Variants in FDXACB1 observed in about 807,000 individuals in gnomAD.
FDXACB1 encodes the protein ferredoxin-fold anticodon-binding domain-containing protein 1.
A neutral mutation model predicts 51.7 loss-of-function variants in FDXACB1; 41 were observed. That is an observed-to-expected ratio of 0.79 (90% CI 0.62 to 1.03). The LOEUF (loss-of-function observed/expected upper bound fraction) is 1.03. Among genes scored for constraint, FDXACB1 ranks in the 50% least tolerant of loss-of-function variants. The pLI is 0.00. For synonymous variants in FDXACB1, 273 were observed against 278.6 expected, an observed-to-expected ratio of 0.98 and a Z score of 0.20; for missense variants, 697 against 746.4, an observed-to-expected ratio of 0.93 and a Z score of 0.77.
intron 2 of FDXACB1, among the ~76,000 whole-genome samples, chr11:111,877,989 C>T (rs1036073696): frequency 3.5e-4 from 53 of 152,050 alleles, no homozygotes; most frequent in African/African-American, 1.3e-3. Context: ...AGATCGACAC[C>T]ATCCTGGCTA....
In FDXACB1 at chr11:111,874,307, TG is replaced by T. The variant is rs1261502601; in HGVS notation, c.*614del. 7 of 152,246 alleles carry T rather than the reference TG, an allele frequency of 4.6e-5. No homozygotes were observed. The highest frequency in any genetic ancestry group is 1.7e-4 in the African/African-American group (7 of 41,456). The allele number at this position is 152,246 out of a possible 1,614,324, so 9.4% of individuals were successfully genotyped here. A position where few individuals can be genotyped will look rare whatever the true frequency, so the allele number is the denominator to read the frequency against. ...GATGAGACACTTAAGTTCTACTGCC[TG>T]TTCAACAATAGAGCATCTAAAGTAC... On this transcript the variant is annotated 3_prime_UTR_variant, in exon 5 of 5. Transcript: ENST00000260257.
chr11:111,878,916 G>T, intron 1 of FDXACB1, 45 bp downstream of exon 1: 1 of 1,563,026 alleles, frequency 6.4e-7, no homozygotes. Context: ...ACTTTGGGAC[G>T]CGCCGGCCGC....
rs781861315 is a variant in FDXACB1 at position 111,875,801 on chromosome 11, T to C, written c.996A>G (p.Lys332=). The change falls in exon 5 of 5, where the codon AAA becomes AAG. Residue 332 remains lysine (K), a synonymous_variant. Transcript: ENST00000260257. ...CACAGGTTCCTTCACAAGCTTCTTC[T>C]TTACCATCTCTTCCAGGATTCTTGA... ...SLLKNPGRDG[K]EEACEGTCGQ... The C allele has an allele frequency of 1.2e-6, 2 of 1,613,634 alleles. No homozygotes were observed. Among genetic ancestry groups the C allele is most frequent in the African/African-American group, 2.7e-5 (2 of 74,884 alleles).
chr11:111,878,134 C>G (rs912244745), intron 2 of FDXACB1, among the ~76,000 whole-genome samples: 1 of 151,962 alleles, frequency 6.6e-6, no homozygotes, highest in Admixed American at 6.5e-5. Context: ...TTGCAGTGAG[C>G]CGAGATTGCA....
At chr11:111,877,041 T>C in intron 2 of FDXACB1, 30 bp from the exon 3 acceptor site, 2 of 1,548,568 alleles carry the variant, frequency 1.3e-6, no homozygotes, top group Non-Finnish European at 1.7e-6. Context: ...CACTAACTAA[T>C]TATCATAAAC....
At position 111,874,397 on chromosome 11, in the gene FDXACB1, T is replaced by C. The variant is rs993790118; in HGVS notation, c.*525A>G. On this transcript the variant is annotated 3_prime_UTR_variant, in exon 5 of 5. Coordinates refer to ENST00000260257, the MANE Select transcript of FDXACB1 (RefSeq NM_138378.3). ...GACCAAAATATTACACAACTCCAAA[T>C]GTCACCAATCACATTATAATCTATA... is the stretch of plus-strand genomic sequence containing the variant. 2 of 153,162 alleles carry C rather than the reference T, an allele frequency of 1.3e-5. No individual in the cohort carries two copies. Among genetic ancestry groups the C allele is most frequent in the East Asian group, 3.8e-4 (2 of 5,210 alleles). 9.5% of individuals were successfully genotyped at this position (153,162 alleles called of 1,614,324 possible).
chr11:111,874,941 AGGT>A lies in FDXACB1; in HGVS notation c.1853_1855del (p.His618del). On this transcript the variant is annotated inframe_deletion, in exon 5 of 5. Transcript: ENST00000260257. The stretch of plus-strand genomic sequence containing the variant: ...ACCAAACTACCGAGGTATAACATAT[AGGT>A]GTTGTTGAATCTCCTTCCTAAACTG... 6.2e-7 allele frequency: 1 copy of A among 1,613,952 alleles called. No homozygotes were observed. The highest frequency in any genetic ancestry group is 8.5e-7 in the Non-Finnish European group (1 of 1,179,858).
rs1964764410 is a variant in FDXACB1, at chr11:111,874,523, G to A, written c.*399C>T. On this transcript the variant is annotated 3_prime_UTR_variant, in exon 5 of 5. Transcript: ENST00000260257. ...CCCAGCACTTTGGGAGGCCGACGCA[G>A]GCAGATCACGAGGCCGGGAGATTGA... 5.9e-6 allele frequency: 1 copy of A among 170,760 alleles called. No individual in the cohort carries two copies. The highest frequency in any genetic ancestry group is 1.3e-5 in the Non-Finnish European group (1 of 79,112). 10.6% of individuals were successfully genotyped at this position (170,760 alleles called of 1,614,324 possible). A position where few individuals can be genotyped will look rare whatever the true frequency, so the allele number is the denominator to read the frequency against.
chr11:111,875,965 G>A lies in FDXACB1; in HGVS notation c.832C>T (p.Pro278Ser), dbSNP rs201952370. The change falls in exon 5 of 5, where the codon CCT becomes TCT. Residue 278 changes from proline to serine, a missense_variant. Transcript: ENST00000260257. ...LLPQEGTSVL[P>S]FWNCDFLSAA... ...GACAGAAAGTCACAATTCCAGAAAG[G>A]AAGAACACTGGTACCTTCCTGTGGC... The A allele has an allele frequency of 8.9e-5, 143 of 1,613,964 alleles. No individual in the cohort carries two copies. In the African/African-American group the frequency reaches 1.8e-3, roughly 20 times the overall value.
Position 111,879,155 on chromosome 11 carries a change from G to T in FDXACB1, c.-23C>A. The T allele has an allele frequency of 6.3e-7, 1 of 1,595,174 alleles. No individual in the cohort carries two copies. Among genetic ancestry groups the T allele is most frequent in the Non-Finnish European group, 8.5e-7 (1 of 1,170,512 alleles). On this transcript the variant is annotated 5_prime_UTR_variant, in exon 1 of 5. Transcript: ENST00000260257. ...CATGGCCTCCACGGACTCCCGGCTC[G>T]CGTTCTCTGTGGCGCTCGTTTTACG... is the stretch of plus-strand genomic sequence containing the variant.
Position 111,875,205 on chromosome 11 carries a change from A to G in FDXACB1, c.1592T>C (p.Leu531Pro). ...GKIEPFKSHS[L>P]YPPCYVHDVS... Reference sequence around the variant, plus strand: ...ATCATGCACATAACATGGAGGATACAGAGAATGACTTTTAAAGGGTTCTAT... The same window carrying G: ...ATCATGCACATAACATGGAGGATACGGAGAATGACTTTTAAAGGGTTCTAT... The change falls in exon 5 of 5, where the codon CTG (leucine) becomes CCG (proline). Residue 531 changes from leucine (L) to proline (P), a missense_variant. Around this residue, in one of 3 missense-constraint regions of FDXACB1, gnomAD observed 538 missense variants for 592.2 expected, o/e 0.91. Coordinates refer to ENST00000260257, the MANE Select transcript of FDXACB1 (RefSeq NM_138378.3). The G allele has an allele frequency of 6.2e-7, 1 of 1,613,928 alleles. No individual in the cohort carries two copies. Among genetic ancestry groups the G allele is most frequent in the Non-Finnish European group, 8.5e-7 (1 of 1,179,898 alleles).
At position 111,874,114 on chromosome 11, in the gene FDXACB1, GTGA is replaced by G. The variant is rs1403868500; in HGVS notation, c.*805_*807del. ...GACTTTCAACCACAGAATTAAAATGGTGATGATTATAATAATAATACCAAAATT... is the reference window on the plus strand; with the variant it reads ...GACTTTCAACCACAGAATTAAAATGGTGATTATAATAATAATACCAAAATT... On this transcript the variant is annotated 3_prime_UTR_variant, in exon 5 of 5. Coordinates refer to ENST00000260257, the MANE Select transcript of FDXACB1 (RefSeq NM_138378.3). 8 of 152,272 alleles carry G rather than the reference GTGA, an allele frequency of 5.3e-5. No individual in the cohort carries two copies. The highest frequency in any genetic ancestry group is 2.1e-4 in the South Asian group (1 of 4,828). The allele number at this position is 152,272 out of a possible 1,614,324, so 9.4% of individuals were successfully genotyped here.
At position 111,876,844 on chromosome 11, in the gene FDXACB1, C is replaced by A; in HGVS notation, c.497G>T (p.Cys166Phe). Residue 166 changes from cysteine to phenylalanine, a missense_variant, in exon 3 of 5, where the codon TGT (cysteine) becomes TTT (phenylalanine). Cys to Phe is a radical substitution (Grantham distance 205, BLOSUM62 -2). Coordinates refer to ENST00000260257, the MANE Select transcript of FDXACB1 (RefSeq NM_138378.3). The stretch of plus-strand genomic sequence containing the variant: ...GCACTTGTACCCTGCCACAGCCTTA[C>A]AGCTGAATGGATACACGTCGCTTAA... ...LILSDVYPFS[C>F]KAVAGYKCTG... 1 of 1,613,962 alleles carries A rather than the reference C, an allele frequency of 6.2e-7. No homozygotes were observed. The highest frequency in any genetic ancestry group is 2.2e-5 in the East Asian group (1 of 44,886).
chr11:111,876,566 A>G lies in FDXACB1; in HGVS notation c.607T>C (p.Ser203Pro). The change falls in exon 4 of 5, where the codon TCT becomes CCT. Residue 203 changes from serine to proline, a missense_variant. Physicochemically the swap from Ser to Pro is moderately conservative, Grantham distance 74. Transcript: ENST00000260257. ...TTGATCCTGAAGATTCTGGGTTGAG[A>G]ACCTTCAAAAGGTAAGCTCCTGGTG... is the stretch of plus-strand genomic sequence containing the variant. ...IFTRSLPFEG[S>P]QPRIFRIKLG... The G allele has an allele frequency of 6.2e-7, 1 of 1,614,052 alleles. No individual in the cohort carries two copies. Among genetic ancestry groups the G allele is most frequent in the Non-Finnish European group, 8.5e-7 (1 of 1,179,884 alleles).
chr11:111,876,600 G>C lies in FDXACB1; in HGVS notation c.573C>G (p.Asn191Lys). 2.5e-6 allele frequency: 4 copies of C among 1,613,986 alleles called. No individual in the cohort carries two copies. The highest frequency in any genetic ancestry group is 1.1e-5 in the South Asian group (1 of 91,078). The change falls in exon 4 of 5, where the codon AAC becomes AAG. Residue 191 changes from asparagine (N) to lysine (K), a missense_variant. Transcript: ENST00000260257. ...AAGGTAAGCTCCTGGTGAAGATATG[G>C]TTCAAAGCACCTTCTACATGAAAGG... ...DKSFHVEGAL[N>K]HIFTRSLPFE...
chr11:111,878,184 T>G (rs1240357219), intron 2 of FDXACB1, among the ~76,000 whole-genome samples: 1 of 151,964 alleles, frequency 6.6e-6, no homozygotes, highest in Non-Finnish European at 1.5e-5. Flanking sequence ...AGGGCGAGAC[T>G]CTGTCTCAAA....
Position 111,876,881 on chromosome 11 carries a change from C to T in FDXACB1, c.460G>A (p.Gly154Arg). Reference protein sequence around the residue: ...SWQVVAMAALGGLILSDVYPF... With the variant: ...SWQVVAMAALRGLILSDVYPF... The stretch of plus-strand genomic sequence containing the variant: ...TACACGTCGCTTAAAATGAGCCCCC[C>T]CAGGGCTGCCATGGCAACCACTTGC... Residue 154 changes from glycine (G) to arginine (R), a missense_variant, in exon 3 of 5, where the codon GGG becomes AGG. Physicochemically the swap from Gly to Arg is moderately radical, Grantham distance 125 (BLOSUM62 -2). Transcript: ENST00000260257. The T allele has an allele frequency of 1.2e-6, 2 of 1,613,648 alleles. No homozygotes were observed. The highest frequency in any genetic ancestry group is 2.2e-5 in the South Asian group (2 of 90,988).
In FDXACB1 at chr11:111,875,823, T is replaced by C; in HGVS notation, c.974A>G (p.Lys325Arg). The C allele has an allele frequency of 6.2e-7, 1 of 1,613,826 alleles. No individual in the cohort carries two copies. Among genetic ancestry groups the C allele is most frequent in the Non-Finnish European group, 8.5e-7 (1 of 1,179,892 alleles). ...TTCTTTACCATCTCTTCCAGGATTC[T>C]TGAGAAGGCTAAGTTCTGAAAATGA... ...LVSFSELSLL[K>R]NPGRDGKEEA... The change falls in exon 5 of 5, where the codon AAG becomes AGG. Residue 325 changes from lysine (K) to arginine (R), a missense_variant. Around this residue, in one of 3 missense-constraint regions of FDXACB1, gnomAD observed 538 missense variants for 592.2 expected, o/e 0.91. Coordinates refer to ENST00000260257, the MANE Select transcript of FDXACB1 (RefSeq NM_138378.3).
rs1335340267 is a variant in FDXACB1, at chr11:111,876,803, C to A, written c.533+5G>T. ...CAGAAGGCTTAAACCTATGCTATTA[C>A]CTACCTATATCCAGTGCACTTGTAC... is the stretch of plus-strand genomic sequence containing the variant. On this transcript the variant is annotated splice_donor_5th_base_variant and intron_variant, in intron 3 of 4. Transcript: ENST00000260257. The A allele has an allele frequency of 6.2e-7, 1 of 1,613,584 alleles. No individual in the cohort carries two copies. Among genetic ancestry groups the A allele is most frequent in the East Asian group, 2.2e-5 (1 of 44,880 alleles).
Sources: allele counts gnomAD v4.1 joint callset (sites outside exome capture counted in the v4.1 genomes callset), GRCh38; gene constraint gnomAD v4.1.1; regional missense constraint gnomAD v4.1.1; transcripts MANE v1.5; gene names NCBI Gene and HGNC (gene_info 2026-07-23, HGNC 2026-07-21).